AGAP1: variants seen among roughly 807,000 people sequenced by gnomAD.
The protein encoded by AGAP1 is arf-GAP with GTPase, ANK repeat and PH domain-containing protein 1.
A neutral mutation model predicts 105.3 loss-of-function variants in AGAP1; 29 were observed. That is an observed-to-expected ratio of 0.28 (90% CI 0.21 to 0.38). AGAP1 has a LOEUF of 0.38. Ranked by LOEUF, AGAP1 falls within the 10% of genes least tolerant of loss-of-function variation. The pLI is 1.00. For synonymous variants in AGAP1, 509 were observed against 485.9 expected, an observed-to-expected ratio of 1.05 and a Z score of -0.63; for missense variants, 998 against 1,165.1, an observed-to-expected ratio of 0.86 and a Z score of 2.09.
chr2:236,016,767 G>C (rs1254225077), intron 13 of AGAP1, among the ~76,000 whole-genome samples: 1 of 152,154 alleles, frequency 6.6e-6, no homozygotes, highest in Non-Finnish European at 1.5e-5. Context: ...GGGTCCCTCT[G>C]TCAGTAGCTA....
At chr2:235,702,018 C>G (rs1950282162) in intron 1 of AGAP1, among the ~76,000 whole-genome samples, 1 of 152,156 alleles carries the variant, frequency 6.6e-6, no homozygotes, top group South Asian at 2.1e-4. Flanking sequence ...TTCCCAATTT[C>G]TGAGATAATA....
chr2:235,938,857 C>T (rs2053114773), intron 12 of AGAP1, among the ~76,000 whole-genome samples: 1 of 152,050 alleles, frequency 6.6e-6, no homozygotes, highest in South Asian at 2.1e-4. Context: ...CTCAGGAAGG[C>T]GTCGTCCAAT....
At chr2:235,619,642 C>G (rs1380548207) in intron 1 of AGAP1, among the ~76,000 whole-genome samples, 1 of 152,202 alleles carries the variant, frequency 6.6e-6, no homozygotes, top group Non-Finnish European at 1.5e-5. Context: ...GCAGATGCAG[C>G]TCTTTTCCCC....
intron 1 of AGAP1, among the ~76,000 whole-genome samples, chr2:235,572,395 G>A (rs1484546577): frequency 6.6e-6 from 1 of 152,048 alleles, no homozygotes; most frequent in Non-Finnish European, 1.5e-5. Context: ...TGCACTGGTG[G>A]GGTAGTTCTT....
chr2:235,558,970 C>T (rs1186424963), intron 1 of AGAP1, among the ~76,000 whole-genome samples: 4 of 152,050 alleles, frequency 2.6e-5, no homozygotes, highest in African/African-American at 7.2e-5. Context: ...TGTCCTAGGC[C>T]GGAGTACGGT....
intron 13 of AGAP1, among the ~76,000 whole-genome samples, chr2:235,980,285 G>T (rs1457826831): frequency 1.3e-5 from 2 of 152,332 alleles, no homozygotes; most frequent in Admixed American, 6.5e-5. Flanking sequence ...GCAGCCAGGG[G>T]TTTGAAGTGC....
chr2:235,898,934 T>G (rs1372311191), intron 10 of AGAP1, among the ~76,000 whole-genome samples: 1 of 152,186 alleles, frequency 6.6e-6, no homozygotes, highest in African/African-American at 2.4e-5. Context: ...ATCTGATTCA[T>G]TTGAATGGAA....
rs750072422 is a variant in AGAP1, at chr2:235,753,312, G to T, written c.673+2824G>T. Among the ~76,000 whole-genome samples, 1 of 152,168 alleles carries T rather than the reference G, an allele frequency of 6.6e-6. No individual in the cohort carries two copies. The highest frequency in any genetic ancestry group is 1.5e-5 in the Non-Finnish European group (1 of 68,026). On this transcript the variant is annotated intron_variant, in intron 6 of 17. Transcript: ENST00000304032. The surrounding 1 kb of genome is among the most constrained non-coding windows in gnomAD (Gnocchi z 4.5). Reference sequence around the variant, plus strand: ...TTCCGTTACTGTGACAGCTCATGTCGCACCTCCCCAGGTGATGCTGTGATG... The same window carrying T: ...TTCCGTTACTGTGACAGCTCATGTCTCACCTCCCCAGGTGATGCTGTGATG...
intron 13 of AGAP1, among the ~76,000 whole-genome samples, chr2:235,969,639 G>A (rs781648766): frequency 8.5e-5 from 13 of 152,176 alleles, no homozygotes; most frequent in Non-Finnish European, 1.3e-4. Flanking sequence ...ACATTAGAGG[G>A]AGTGGCCCAT....
chr2:235,579,319 A>G (rs1944847342), intron 1 of AGAP1, among the ~76,000 whole-genome samples: 1 of 152,106 alleles, frequency 6.6e-6, no homozygotes, highest in Non-Finnish European at 1.5e-5. Context: ...TGTCCTTCCC[A>G]TGCCCTGAGG....
At chr2:235,590,451 T>C (rs1353066868) in intron 1 of AGAP1, among the ~76,000 whole-genome samples, 1 of 151,980 alleles carries the variant, frequency 6.6e-6, no homozygotes, top group Non-Finnish European at 1.5e-5. Flanking sequence ...AGGCTGGATG[T>C]TGAAGCTGTT....
At position 235,769,137 on chromosome 2, in the gene AGAP1, G is replaced by T. The variant is rs1955215525; in HGVS notation, c.673+18649G>T. ...TTCCTGGGTATTTTCCCTCTTCTGG[G>T]TTCTTAGTGCCCGTCCCCCGTAGCT... On this transcript the variant is annotated intron_variant, in intron 6 of 17. Transcript: ENST00000304032. The surrounding 1 kb of genome is among the most constrained non-coding windows in gnomAD (Gnocchi z 4.4). Among the ~76,000 whole-genome samples the T allele has an allele frequency of 1.3e-5, 2 of 152,094 alleles. No homozygotes were observed. Among genetic ancestry groups the T allele is most frequent in the Admixed American group, 1.3e-4 (2 of 15,268 alleles).
Position 235,888,661 on chromosome 2 carries a change from T to C in AGAP1, c.1155+5212T>C, listed in dbSNP as rs1301302628. ...AGGGCTTCACAGTGAGCTATGATCG[T>C]GCCACTGCACTCCAGCTTGGGCGAC... is the stretch of plus-strand genomic sequence containing the variant. On this transcript the variant is annotated intron_variant, in intron 10 of 17. Transcript: ENST00000304032. This position sits in a 1 kb window ranked among gnomAD's most constrained non-coding sequence, Gnocchi z 4.8. 6.6e-6 allele frequency among the ~76,000 whole-genome samples: 1 copy of C among 151,576 alleles called. No individual in the cohort carries two copies. The highest frequency in any genetic ancestry group is 1.9e-4 in the East Asian group (1 of 5,150).
At chr2:235,776,673 A>C (rs554518582) in intron 6 of AGAP1, among the ~76,000 whole-genome samples, 9 of 152,118 alleles carry the variant, frequency 5.9e-5, no homozygotes, top group Non-Finnish European at 8.8e-5. Flanking sequence ...CTATTCCCAG[A>C]GAGCCTCCTG....
At chr2:235,568,466 C>T (rs974894127) in intron 1 of AGAP1, among the ~76,000 whole-genome samples, 2 of 152,076 alleles carry the variant, frequency 1.3e-5, no homozygotes, top group African/African-American at 2.4e-5. Flanking sequence ...GTCCTAAAGC[C>T]GCTAGCACTT....
rs1235836860 is a variant in AGAP1, at chr2:235,747,514, C to T, written c.538+2675C>T. On this transcript the variant is annotated intron_variant, in intron 5 of 17. Transcript: ENST00000304032. The surrounding 1 kb of genome is among the most constrained non-coding windows in gnomAD (Gnocchi z 5.0). Reference sequence around the variant, plus strand: ...GTAAGCGGGCCCCATGCCCTCCCTGCAGGACTCCTCTTAGCTGGGCCACCC... The same window carrying T: ...GTAAGCGGGCCCCATGCCCTCCCTGTAGGACTCCTCTTAGCTGGGCCACCC... 1.3e-5 allele frequency among the ~76,000 whole-genome samples: 2 copies of T among 152,140 alleles called. No individual in the cohort carries two copies. Among genetic ancestry groups the T allele is most frequent in the South Asian group, 4.1e-4 (2 of 4,834 alleles).
rs1183182564 is a variant in AGAP1, at chr2:235,686,639, ATATATAGATATATATATATATATATATTT to A, written c.164-22538_164-22510del. 4.4e-4 allele frequency among the ~76,000 whole-genome samples: 20 copies of A among 45,438 alleles called. No individual in the cohort carries two copies. The East Asian group carries it at 6.2e-3, about 14-fold the overall frequency. 29.8% of individuals were successfully genotyped at this position (45,438 alleles called of 152,430 possible). ...GATATAGATATATATATATATATATATATATAGATATATATATATATATATATTTTTTTTTTTTTTTAGACAGAGTCTTG... is the reference window on the plus strand; with the variant it reads ...GATATAGATATATATATATATATATATTTTTTTTTTTTAGACAGAGTCTTG... On this transcript the variant is annotated intron_variant, in intron 1 of 17. Transcript: ENST00000304032.
chr2:235,639,886 G>A lies in AGAP1; in HGVS notation c.164-69293G>A, dbSNP rs868477922. Among the ~76,000 whole-genome samples the A allele has an allele frequency of 6.6e-6, 1 of 152,208 alleles. No homozygotes were observed. The highest frequency in any genetic ancestry group is 3.2e-3 in the Middle Eastern group (1 of 316). On this transcript the variant is annotated intron_variant, in intron 1 of 17. Coordinates refer to ENST00000304032, the MANE Select transcript of AGAP1 (RefSeq NM_001037131.3). This position sits in a 1 kb window ranked among gnomAD's most constrained non-coding sequence, Gnocchi z 5.3. Reference sequence around the variant, plus strand: ...TCCACGGATTGATAGAGTCAGCAGGGATGGACAGTTTCCCCTTCAGCACCT... The same window carrying A: ...TCCACGGATTGATAGAGTCAGCAGGAATGGACAGTTTCCCCTTCAGCACCT...
chr2:235,932,432 CT>C (rs2052768438), intron 12 of AGAP1, among the ~76,000 whole-genome samples: 1 of 152,216 alleles, frequency 6.6e-6, no homozygotes, highest in African/African-American at 2.4e-5. Flanking sequence ...TTATCAAATA[CT>C]TTAAAATATG....
Sources: gnomAD v4.1 joint callset for allele counts (sites outside exome capture counted in the v4.1 genomes callset) on GRCh38, gnomAD v4.1.1 for gene constraint, Gnocchi (gnomAD v3.1) non-coding constraint, MANE v1.5 for transcripts, NCBI Gene and HGNC (gene_info 2026-07-23, HGNC 2026-07-21) for gene names.